Variants in KLHL35 observed in about 807,000 individuals in gnomAD.
KLHL35 encodes the protein kelch-like protein 35.
In KLHL35, 50 loss-of-function variants were observed where a neutral mutation model predicts 44.0. The observed-to-expected ratio is 1.14, with a 90% CI of 0.91 to 1.44. The LOEUF is 1.44. Ranked by LOEUF, KLHL35 falls within the 40% of genes most tolerant of loss-of-function variation. The pLI is 0.00. For synonymous variants in KLHL35, 470 were observed against 410.4 expected (o/e 1.15, Z -1.76); for missense variants, 1,049 against 887.8 (o/e 1.18, Z -2.31).
intron 1 of KLHL35, among the ~76,000 whole-genome samples, chr11:75,431,399 C>G (rs1319500255): frequency 6.6e-6 from 1 of 152,202 alleles, no homozygotes; most frequent in Non-Finnish European, 1.5e-5. Flanking sequence ...GAGCTCCCAG[C>G]CTGGCGGGGG....
chr11:75,431,892 A>G (rs1278433971), intron 1 of KLHL35, among the ~76,000 whole-genome samples: 1 of 152,148 alleles, frequency 6.6e-6, no homozygotes, highest in African/African-American at 2.4e-5. Context: ...AGTTGCTTTT[A>G]TAGACATAAT....
At chr11:75,426,479 G>C (rs1473500106) in intron 4 of KLHL35, 41 bp downstream of exon 4, 3 of 1,394,746 alleles carry the variant, frequency 2.2e-6, no homozygotes, top group South Asian at 1.2e-5. Flanking sequence ...CCACAGATCT[G>C]TACCTTGTGT....
Position 75,429,895 on chromosome 11 carries a change from C to T in KLHL35, c.735G>A (p.Pro245=). The T allele has an allele frequency of 2.6e-6, 4 of 1,512,408 alleles. No homozygotes were observed. Among genetic ancestry groups the T allele is most frequent in the Non-Finnish European group, 3.5e-6 (4 of 1,140,462 alleles). The allele number at this position is 1,512,408 out of a possible 1,614,324, so 93.7% of individuals were successfully genotyped here. ...CCAGGAAGTAAGCGGGCGCCAGTAGCGGCAGGCGCACGTGCTCCAGCAGGC... is the reference window on the plus strand; with the variant it reads ...CCAGGAAGTAAGCGGGCGCCAGTAGTGGCAGGCGCACGTGCTCCAGCAGGC... ...LRRLLEHVRL[P]LLAPAYFLEK... is the part of the protein sequence containing the mutation. The change falls in exon 2 of 7, where the codon CCG becomes CCA. Residue 245 remains proline (P), a synonymous_variant. Transcript: ENST00000539798.
chr11:75,427,202 C>T (rs929555059), intron 3 of KLHL35, among the ~76,000 whole-genome samples: 7 of 152,220 alleles, frequency 4.6e-5, no homozygotes, highest in Admixed American at 1.3e-4. Context: ...CAATGACCTG[C>T]TGAAGACTAC....
chr11:75,426,466 C>A, intron 4 of KLHL35, 54 bp downstream of exon 4: 7 of 1,266,758 alleles, frequency 5.5e-6, no homozygotes, highest in Non-Finnish European at 6.6e-6. Flanking sequence ...CCCTCCAGCA[C>A]ATCCACAGAT....
In KLHL35 at chr11:75,430,034, A is replaced by T; in HGVS notation, c.596T>A (p.Val199Glu). 1 of 1,416,682 alleles carries T rather than the reference A, an allele frequency of 7.1e-7. No homozygotes were observed. Among genetic ancestry groups the T allele is most frequent in the Non-Finnish European group, 9.2e-7 (1 of 1,087,480 alleles). The allele number at this position is 1,416,682 out of a possible 1,614,324, so 87.8% of individuals were successfully genotyped here. Residue 199 changes from valine (V) to glutamate (E), a missense_variant, in exon 2 of 7, where the codon GTG (valine) becomes GAG (glutamate). Transcript: ENST00000539798. Reference protein sequence around the residue: ...ADFLELAPDEVVALLADPALG... With the variant: ...ADFLELAPDEEVALLADPALG... ...CGCGGGGTCCGCCAGCAGCGCCACC[A>T]CCTCGTCAGGCGCCAGCTCCAGGAA...
chr11:75,428,426 GC>G lies in KLHL35; in HGVS notation c.1066+15del, dbSNP rs770041757. On this transcript the variant is annotated intron_variant, in intron 3 of 6. Transcript: ENST00000539798. ...AGTCAATCCCGTGTGAGCTCCCGTT[GC>G]GGCTCCGCCCTCACCGGAGACGTAG... 8 of 1,611,510 alleles carry G rather than the reference GC, an allele frequency of 5.0e-6. No homozygotes were observed. Among genetic ancestry groups the G allele is most frequent in the Non-Finnish European group, 5.9e-6 (7 of 1,179,636 alleles).
rs367936326 is a variant in KLHL35 at position 75,423,809 on chromosome 11, G to C, written c.1446C>G (p.Leu482=). 2.5e-6 allele frequency: 4 copies of C among 1,613,674 alleles called. No homozygotes were observed. In the African/African-American group the frequency reaches 4.0e-5, roughly 16 times the overall value. The change falls in exon 6 of 7, where the codon CTC becomes CTG. Residue 482 remains leucine (L), a synonymous_variant. Transcript: ENST00000539798. ...RSPAPFSQRC[L]EAVSLEDTIY... ...TGGTGTCCTCAAGGGAGACAGCCTC[G>C]AGACACCGCTGTGAGAAGGGTGCTG...
At chr11:75,432,129 A>T (rs1221316820) in intron 1 of KLHL35, among the ~76,000 whole-genome samples, 1 of 152,158 alleles carries the variant, frequency 6.6e-6, no homozygotes, top group East Asian at 1.9e-4. Context: ...CTCCAGGGAC[A>T]GGGAGCTCCC....
Position 75,429,924 on chromosome 11 carries a change from G to C in KLHL35, c.706C>G (p.Arg236Gly), listed in dbSNP as rs1271353250. 1.4e-6 allele frequency: 2 copies of C among 1,473,470 alleles called. No individual in the cohort carries two copies. The highest frequency in any genetic ancestry group is 8.9e-7 in the Non-Finnish European group (1 of 1,122,142). 91.3% of individuals were successfully genotyped at this position (1,473,470 alleles called of 1,614,324 possible). The part of the protein sequence containing the change: ...HDAPARRGQL[R>G]RLLEHVRLPL... ...AGGCGCACGTGCTCCAGCAGGCGTC[G>C]CAGCTGGCCGCGGCGGGCCGGCGCG... is the stretch of plus-strand genomic sequence containing the variant. Residue 236 changes from arginine to glycine, a missense_variant, in exon 2 of 7, where the codon CGA (arginine) becomes GGA (glycine). By Grantham distance (125) the Arg-to-Gly change is moderately radical. Transcript: ENST00000539798.
chr11:75,429,571 T>C (rs1203692804), intron 2 of KLHL35, among the ~76,000 whole-genome samples, 178 bp downstream of exon 2: 2 of 152,250 alleles, frequency 1.3e-5, no homozygotes, highest in African/African-American at 4.8e-5. Context: ...TCTCTGCATC[T>C]CCCTCACTGG....
At position 75,430,388 on chromosome 11, in the gene KLHL35, A is replaced by C; in HGVS notation, c.242T>G (p.Val81Gly). 1 of 1,363,382 alleles carries C rather than the reference A, an allele frequency of 7.3e-7. No individual in the cohort carries two copies. The highest frequency in any genetic ancestry group is 9.5e-7 in the Non-Finnish European group (1 of 1,055,392). 84.5% of individuals were successfully genotyped at this position (1,363,382 alleles called of 1,614,324 possible). Reference sequence around the variant, plus strand: ...GGGAGCTACTGGCACCACTGGCACCACGGCCGGGCCGCGCTCGGGCCGCCC... The same window carrying C: ...GGGAGCTACTGGCACCACTGGCACCCCGGCCGGGCCGCGCTCGGGCCGCCC... Reference protein sequence around the residue: ...AAGRPERGPAVVPVVPVAPEA... With the variant: ...AAGRPERGPAGVPVVPVAPEA... The change falls in exon 2 of 7, where the codon GTG (valine) becomes GGG (glycine). Residue 81 changes from valine (V) to glycine (G), a missense_variant. Transcript: ENST00000539798.
intron 2 of KLHL35, among the ~76,000 whole-genome samples, chr11:75,429,348 C>T (rs1019019732): frequency 4.2e-4 from 64 of 152,340 alleles, no homozygotes; most frequent in African/African-American, 1.5e-3. Flanking sequence ...CAGAGCCTCC[C>T]AGTCTGGCTT....
chr11:75,429,717 G>C lies in KLHL35; in HGVS notation c.881+32C>G, dbSNP rs1948517221. 3 of 1,423,840 alleles carry C rather than the reference G, an allele frequency of 2.1e-6. No homozygotes were observed. In the South Asian group the frequency reaches 4.4e-5, roughly 21 times the overall value. 88.2% of individuals were successfully genotyped at this position (1,423,840 alleles called of 1,614,324 possible). A position where few individuals can be genotyped will look rare whatever the true frequency, so the allele number is the denominator to read the frequency against. ...GCGGTGGAAGCAGGCGGGAAGAACG[G>C]AGGGCGGGAAGCTAGGGGATGGCGG... On this transcript the variant is annotated intron_variant, in intron 2 of 6. Coordinates refer to ENST00000539798, the MANE Select transcript of KLHL35 (RefSeq NM_001039548.3).
At position 75,425,484 on chromosome 11, in the gene KLHL35, G is replaced by C; in HGVS notation, c.1283C>G (p.Pro428Arg). The C allele has an allele frequency of 6.4e-7, 1 of 1,571,382 alleles. No homozygotes were observed. The highest frequency in any genetic ancestry group is 1.2e-5 in the South Asian group (1 of 86,658). ...CACCGCCGCCGAGCTCACGGCCTCC[G>C]GGAGGGGCGCGGCGGCCGCCCAGGT... Reference protein sequence around the residue: ...SNTWAAAAPLPEAVSSAAVAS... With the variant: ...SNTWAAAAPLREAVSSAAVAS... The change falls in exon 5 of 7, where the codon CCG becomes CGG. Residue 428 changes from proline to arginine, a missense_variant. Pro to Arg is a moderately radical substitution (Grantham distance 103). Coordinates refer to ENST00000539798, the MANE Select transcript of KLHL35 (RefSeq NM_001039548.3).
rs746670676 is a variant in KLHL35 at position 75,429,985 on chromosome 11, G to C, written c.645C>G (p.Ala215=). The change falls in exon 2 of 7, where the codon GCC becomes GCG. Residue 215 remains alanine, a synonymous_variant. Coordinates refer to ENST00000539798, the MANE Select transcript of KLHL35 (RefSeq NM_001039548.3). ...CCCAGCGCATGGCCGCTTCAAACAC[G>C]GCCTCCTCGCGCGCCACGCCCAGCG... ...DPALGVAREE[A]VFEAAMRWVR... 2.1e-6 allele frequency: 3 copies of C among 1,420,396 alleles called. No individual in the cohort carries two copies. Among genetic ancestry groups the C allele is most frequent in the African/African-American group, 1.5e-5 (1 of 66,584 alleles). 88.0% of individuals were successfully genotyped at this position (1,420,396 alleles called of 1,614,324 possible). A position where few individuals can be genotyped will look rare whatever the true frequency, so the allele number is the denominator to read the frequency against.
In KLHL35 at chr11:75,423,727, C is replaced by T. The variant is rs774952764; in HGVS notation, c.1528G>A (p.Val510Met). 5 of 1,613,880 alleles carry T rather than the reference C, an allele frequency of 3.1e-6. No individual in the cohort carries two copies. Among genetic ancestry groups the T allele is most frequent in the East Asian group, 2.2e-5 (1 of 44,884 alleles). ...KIFTYDPGTD[V>M]WGEAAVLPSP... ...GGGAGGACAGCTGCCTCCCCCCACA[C>T]ATCTGTGCCTGGATCATAGGTGAAG... is the stretch of plus-strand genomic sequence containing the variant. The change falls in exon 6 of 7, where the codon GTG (valine) becomes ATG (methionine). Residue 510 changes from valine to methionine, a missense_variant. Transcript: ENST00000539798.
Position 75,426,621 on chromosome 11 carries a change from G to T in KLHL35, c.1084C>A (p.His362Asn). 1 of 1,597,882 alleles carries T rather than the reference G, an allele frequency of 6.3e-7. No individual in the cohort carries two copies. Among genetic ancestry groups the T allele is most frequent in the South Asian group, 1.1e-5 (1 of 88,936 alleles). The change falls in exon 4 of 7, where the codon CAT becomes AAT. Residue 362 changes from histidine (H) to asparagine (N), a missense_variant. Physicochemically the swap from His to Asn is moderately conservative, Grantham distance 68. Coordinates refer to ENST00000539798, the MANE Select transcript of KLHL35 (RefSeq NM_001039548.3). ...VYVSGGHINS[H>N]DVWMFSSHLH... is the part of the protein sequence containing the mutation. ...TGGGAGCTAAACATCCACACATCATGACTGTTGATGTGGCCTCCTAGGGAG... is the reference window on the plus strand; with the variant it reads ...TGGGAGCTAAACATCCACACATCATTACTGTTGATGTGGCCTCCTAGGGAG...
chr11:75,430,294 T>G lies in KLHL35; in HGVS notation c.336A>C (p.Gly112=). 1.6e-6 allele frequency: 2 copies of G among 1,225,466 alleles called. No homozygotes were observed. The highest frequency in any genetic ancestry group is 2.0e-6 in the Non-Finnish European group (2 of 985,906). 75.9% of individuals were successfully genotyped at this position (1,225,466 alleles called of 1,614,324 possible). A position where few individuals can be genotyped will look rare whatever the true frequency, so the allele number is the denominator to read the frequency against. ...CCTCCGCGCGCAGCCGCACGCCCGC[T>G]CCGTACACGTAGTCGAGCACCACGG... ...ALAVVLDYVY[G]AGVRLRAEDE... The change falls in exon 2 of 7, where the codon GGA becomes GGC. Residue 112 remains glycine (G), a synonymous_variant. Coordinates refer to ENST00000539798, the MANE Select transcript of KLHL35 (RefSeq NM_001039548.3).
Sources: allele counts gnomAD v4.1 joint callset (sites outside exome capture counted in the v4.1 genomes callset), GRCh38; gene constraint gnomAD v4.1.1; transcripts MANE v1.5; gene names NCBI Gene and HGNC (gene_info 2026-07-23, HGNC 2026-07-21).